PHF21A: variants seen among roughly 807,000 people sequenced by gnomAD.
The protein encoded by PHF21A is BHC80a.
Under a neutral mutation model 82.5 loss-of-function variants are expected in PHF21A, and 11 were observed. The observed-to-expected ratio is 0.13, with a 90% CI of 0.08 to 0.22. The LOEUF (loss-of-function observed/expected upper bound fraction) is 0.22, where lower values mean the gene tolerates loss of function less well. Ranked by LOEUF, PHF21A falls within the 10% of genes least tolerant of loss-of-function variation. PHF21A has a pLI of 1.00. For synonymous variants in PHF21A, 297 were observed against 302.8 expected (o/e 0.98, Z 0.20); for missense variants, 579 against 837.8 (o/e 0.69, Z 3.81).
intron 9 of PHF21A, 108 bp downstream of exon 9, chr11:45,969,707 G>T: frequency 1.4e-6 from 1 of 705,364 alleles, no homozygotes; most frequent in East Asian, 2.7e-5. Flanking sequence ...TTAGCTAAGC[G>T]GGATAGACAG....
At chr11:46,109,627 G>A (rs1457365659) in intron 1 of PHF21A, among the ~76,000 whole-genome samples, 1 of 151,940 alleles carries the variant, frequency 6.6e-6, no homozygotes, top group East Asian at 1.9e-4. Context: ...ACACACAAAT[G>A]TACCAATGTG....
At position 45,931,755 on chromosome 11, in the gene PHF21A, G is replaced by T. The variant is rs376744076; in HGVS notation, c.*2213C>A. 1.3e-5 allele frequency: 2 copies of T among 152,532 alleles called. No homozygotes were observed. Among genetic ancestry groups the T allele is most frequent in the East Asian group, 3.9e-4 (2 of 5,180 alleles). 9.4% of individuals were successfully genotyped at this position (152,532 alleles called of 1,614,324 possible). On this transcript the variant is annotated 3_prime_UTR_variant, in exon 19 of 19. Coordinates refer to ENST00000676320, the MANE Select transcript of PHF21A (RefSeq NM_001352027.3). ...GATGCTCCAGCAGGGCCAGGGTACA[G>T]AGCCTCCACCGCCCTCCCATCGGCC...
intron 6 of PHF21A, among the ~76,000 whole-genome samples, chr11:46,016,631 T>C (rs1424011862): frequency 6.6e-6 from 1 of 152,160 alleles, no homozygotes; most frequent in Admixed American, 6.5e-5. Flanking sequence ...AACTTTAAAA[T>C]GGCACATGAC....
chr11:45,975,189 C>G (rs1459141764), intron 7 of PHF21A, among the ~76,000 whole-genome samples: 1 of 152,050 alleles, frequency 6.6e-6, no homozygotes, highest in Non-Finnish European at 1.5e-5. Flanking sequence ...TGACACACAC[C>G]TGTAGTCCCA....
chr11:46,076,695 A>G, intron 6 of PHF21A, 59 bp downstream of exon 6: 2 of 1,345,810 alleles, frequency 1.5e-6, no homozygotes, highest in South Asian at 2.5e-5. Context: ...AGAAGCCTCG[A>G]GCAGACATAT....
intron 3 of PHF21A, among the ~76,000 whole-genome samples, chr11:46,086,025 C>T (rs1253456709): frequency 6.6e-6 from 1 of 151,268 alleles, no homozygotes; most frequent in Non-Finnish European, 1.5e-5. Flanking sequence ...TAATGTTAAA[C>T]AAAACATTTT....
chr11:45,992,376 CA>C lies in PHF21A; in HGVS notation c.154-12411del, dbSNP rs375091067. ...TGAAACCCCGTCTATACTAAAAATA[CA>C]AAAAAAAAAAAAATTAGCCAGGCAT... On this transcript the variant is annotated intron_variant, in intron 6 of 18. Transcript: ENST00000676320. 3.8e-3 allele frequency among the ~76,000 whole-genome samples: 529 copies of C among 139,480 alleles called. 1 individual carries two copies. The highest frequency in any genetic ancestry group is 7.6e-3 in the Middle Eastern group (2 of 264). The allele number at this position is 139,480 out of a possible 152,430, so 91.5% of individuals were successfully genotyped here.
At chr11:46,120,475 C>A (rs1194678046) in intron 1 of PHF21A, 1 of 151,666 alleles carries the variant, frequency 6.6e-6, no homozygotes, top group Admixed American at 6.6e-5. Flanking sequence ...CCTCTGTCAC[C>A]GGCTCCGGCC....
chr11:45,981,391 T>TC (rs1200954371), intron 6 of PHF21A, among the ~76,000 whole-genome samples: 4 of 37,226 alleles, frequency 1.1e-4, no homozygotes, highest in African/African-American at 2.1e-4. Context: ...AAACCCTGTC[T>TC]CAAAAAAAAA....
chr11:45,934,144 G>C lies in PHF21A; in HGVS notation c.1870C>G (p.Arg624Gly), dbSNP rs374586100. The part of the protein sequence containing the change: ...SSLEKVKQLI[R>G]LIHGIDLSKP... Reference sequence around the variant, plus strand: ...GAGAGGTCGATGCCGTGGATGAGGCGAATCAGCTGTTTTACCTTCTCCAGG... The same window carrying C: ...GAGAGGTCGATGCCGTGGATGAGGCCAATCAGCTGTTTTACCTTCTCCAGG... The change falls in exon 19 of 19, where the codon CGC (arginine) becomes GGC (glycine). Residue 624 changes from arginine (R) to glycine (G), a missense_variant. Physicochemically the swap from Arg to Gly is moderately radical, Grantham distance 125. Transcript: ENST00000676320. 3.1e-6 allele frequency: 5 copies of C among 1,614,104 alleles called. No homozygotes were observed. In the Admixed American group the frequency reaches 8.3e-5, roughly 27 times the overall value.
At chr11:45,992,509 C>T (rs2094745531) in intron 6 of PHF21A, among the ~76,000 whole-genome samples, 1 of 152,194 alleles carries the variant, frequency 6.6e-6, no homozygotes, top group Non-Finnish European at 1.5e-5. Flanking sequence ...CACTGCACTC[C>T]AGCCTGAGCG....
At chr11:46,029,578 C>T (rs7130282) in intron 6 of PHF21A, among the ~76,000 whole-genome samples, 18,316 of 151,386 alleles carry the variant, frequency 0.12, 1,329 homozygotes, top group African/African-American at 0.22. Flanking sequence ...ATCCCAGCTA[C>T]TTGGGAAGCT....
intron 7 of PHF21A, among the ~76,000 whole-genome samples, chr11:45,975,544 TC>T (rs1220045749): frequency 6.6e-6 from 1 of 152,160 alleles, no homozygotes; most frequent in East Asian, 1.9e-4. Flanking sequence ...TAGAAACTTT[TC>T]CCTTTTTTGT....
chr11:46,076,883 AAGACT>A, intron 5 of PHF21A, 64 bp from the exon 6 acceptor site: 1 of 1,284,400 alleles, frequency 7.8e-7, no homozygotes. Context: ...TAGTAGCAGG[AAGACT>A]ATGCATACTG....
At chr11:46,114,615 C>A (rs1007608418) in intron 1 of PHF21A, among the ~76,000 whole-genome samples, 1 of 152,058 alleles carries the variant, frequency 6.6e-6, no homozygotes, top group Non-Finnish European at 1.5e-5. Flanking sequence ...GGTTACTATA[C>A]CCACTTTTAT....
chr11:45,973,670 G>A (rs572632522), intron 7 of PHF21A, among the ~76,000 whole-genome samples: 63 of 152,284 alleles, frequency 4.1e-4, no homozygotes, highest in Non-Finnish European at 5.1e-4. Context: ...GTAACAGCAA[G>A]GACTGACTGC....
At chr11:45,935,063 C>G (rs1182550788) in intron 18 of PHF21A, 1 of 1,247,114 alleles carries the variant, frequency 8.0e-7, no homozygotes, top group East Asian at 5.6e-5. Flanking sequence ...CCTCTGTCCC[C>G]CTGCTGCAAA....
intron 6 of PHF21A, among the ~76,000 whole-genome samples, chr11:46,066,569 C>A (rs1005757497): frequency 6.6e-5 from 10 of 152,082 alleles, no homozygotes; most frequent in Non-Finnish European, 1.3e-4. Flanking sequence ...CGTGACAGTG[C>A]ATGCCTGTAG....
intron 6 of PHF21A, among the ~76,000 whole-genome samples, chr11:46,073,498 G>A (rs893182125): frequency 7.2e-5 from 11 of 151,964 alleles, no homozygotes; most frequent in Admixed American, 2.0e-4. Context: ...TCCTAAAAGC[G>A]AAACGTAATT....
Sources: allele counts gnomAD v4.1 joint callset (sites outside exome capture counted in the v4.1 genomes callset), GRCh38; gene constraint gnomAD v4.1.1; transcripts MANE v1.5; gene names NCBI Gene and HGNC (gene_info 2026-07-23, HGNC 2026-07-21).